MTMR14: variants seen among roughly 807,000 people sequenced by gnomAD.
MTMR14 encodes phosphatidylinositol-3,5-bisphosphate 3-phosphatase MTMR14.
A neutral mutation model predicts 86.3 loss-of-function variants in MTMR14; 48 were observed. That is an observed-to-expected ratio of 0.56 (90% CI 0.44 to 0.71). The LOEUF (loss-of-function observed/expected upper bound fraction) is 0.71. Ranked by LOEUF, MTMR14 falls within the 30% of genes least tolerant of loss-of-function variation. The pLI, the probability that MTMR14 is intolerant of heterozygous loss-of-function variation, is 0.00. For synonymous variants in MTMR14, 366 were observed against 326.1 expected (o/e 1.12, Z -1.32); for missense variants, 780 against 834.6 (o/e 0.93, Z 0.81).
At chr3:9,682,736 C>T (rs2075808521) in intron 9 of MTMR14, among the ~76,000 whole-genome samples, 1 of 152,208 alleles carries the variant, frequency 6.6e-6, no homozygotes, top group African/African-American at 2.4e-5. Context: ...GATGTGATGG[C>T]ATATGAAGGA....
chr3:9,690,009 G>A lies in MTMR14; in HGVS notation c.1479G>A (p.Arg493=), dbSNP rs1156443659. The stretch of plus-strand genomic sequence containing the variant: ...CTCCACAGAGTGTCCTCTGGAACCG[G>A]CCACAACCCTCAGAGGACCGCTTGC... The part of the protein sequence containing the change: ...SSSPQSVLWN[R]PQPSEDRLPS... The change falls in exon 17 of 19, where the codon CGG becomes CGA. Residue 493 remains arginine, a synonymous_variant. Coordinates refer to ENST00000296003, the MANE Select transcript of MTMR14 (RefSeq NM_001077525.3). 17 of 1,611,858 alleles carry A rather than the reference G, an allele frequency of 1.1e-5. No individual in the cohort carries two copies. In the East Asian group the frequency reaches 3.8e-4, roughly 36 times the overall value.
intron 13 of MTMR14, 150 bp downstream of exon 13, chr3:9,685,397 G>A (rs1473637535): frequency 4.3e-6 from 4 of 938,468 alleles, no homozygotes; most frequent in South Asian, 1.3e-5. Flanking sequence ...AGGCAGCGTG[G>A]CAGGACAGGC....
chr3:9,672,628 G>GGTGTGTGT (rs1314197918), intron 6 of MTMR14, 57 bp from the exon 7 acceptor site: 1 of 1,391,898 alleles, frequency 7.2e-7, no homozygotes, highest in Non-Finnish European at 1.0e-6. Context: ...TTTGGGGAAT[G>GGTGTGTGT]GTGTGTGTTT....
At chr3:9,669,343 G>A in intron 4 of MTMR14, 89 bp from the exon 5 acceptor site, 1 of 1,350,172 alleles carries the variant, frequency 7.4e-7, no homozygotes. Flanking sequence ...CCCACCCTTG[G>A]CACTATGGGG....
intron 13 of MTMR14, among the ~76,000 whole-genome samples, chr3:9,687,056 C>T (rs1377230728): frequency 2.0e-5 from 3 of 152,202 alleles, no homozygotes; most frequent in African/African-American, 7.2e-5. Flanking sequence ...TGGGATGCCT[C>T]CCCTAAAAAA....
chr3:9,671,270 C>T (rs1233158373), intron 6 of MTMR14, 100 bp downstream of exon 6: 1 of 1,527,518 alleles, frequency 6.5e-7, no homozygotes, highest in East Asian at 2.3e-5. Context: ...GGCCTTCTTA[C>T]AAAGGGCTTT....
At chr3:9,672,600 TTG>T in intron 6 of MTMR14, 83 bp from the exon 7 acceptor site, 2 of 1,195,150 alleles carry the variant, frequency 1.7e-6, no homozygotes, top group Non-Finnish European at 1.3e-6. Flanking sequence ...GAAGCTTCAT[TTG>T]TGATTATAAC....
rs1191985093 is a variant in MTMR14, at chr3:9,653,685, C to T, written c.224C>T (p.Pro75Leu). ...CGAGACTACTGTTTCAGCGTGATTCCAAACACGAATGGGGATATCTGTGGC... is the reference window on the plus strand; with the variant it reads ...CGAGACTACTGTTTCAGCGTGATTCTAAACACGAATGGGGATATCTGTGGC... ...FGRDYCFSVI[P>L]NTNGDICGHY... Residue 75 changes from proline to leucine, a missense_variant, in exon 2 of 19, where the codon CCA (proline) becomes CTA (leucine). By Grantham distance (98) the Pro-to-Leu change is moderately conservative. Transcript: ENST00000296003. 2 of 1,614,120 alleles carry T rather than the reference C, an allele frequency of 1.2e-6. No individual in the cohort carries two copies. The highest frequency in any genetic ancestry group is 1.7e-6 in the Non-Finnish European group (2 of 1,180,040).
chr3:9,686,254 T>C (rs2075949386), intron 13 of MTMR14, among the ~76,000 whole-genome samples: 1 of 152,196 alleles, frequency 6.6e-6, no homozygotes, highest in African/African-American at 2.4e-5. Context: ...GTGACTTTGG[T>C]ATTGAAATCA....
intron 10 of MTMR14, among the ~76,000 whole-genome samples, chr3:9,683,931 C>A (rs1185074362): frequency 6.6e-6 from 1 of 152,214 alleles, no homozygotes; most frequent in African/African-American, 2.4e-5. Context: ...CTACCTCAGT[C>A]TCTGGAGTTC....
Position 9,677,194 on chromosome 3 carries a change from T to A in MTMR14, c.752-123T>A, listed in dbSNP as rs1170102875. On this transcript the variant is annotated intron_variant, in intron 7 of 18. Coordinates refer to ENST00000296003, the MANE Select transcript of MTMR14 (RefSeq NM_001077525.3). The surrounding 1 kb of genome is among the most constrained non-coding windows in gnomAD (Gnocchi z 4.2). ...CCTTGGCCTCACTGAAGCCACTAGC[T>A]TGGAGAAGTGTGAGTTGGCGGCCCC... 2.1e-5 allele frequency: 17 copies of A among 828,526 alleles called. No individual in the cohort carries two copies. The East Asian group carries it at 4.0e-4, about 19-fold the overall frequency. 51.3% of individuals were successfully genotyped at this position (828,526 alleles called of 1,614,324 possible).
chr3:9,653,656 T>G lies in MTMR14; in HGVS notation c.195T>G (p.Phe65Leu), dbSNP rs774560050. 2 of 1,614,180 alleles carry G rather than the reference T, an allele frequency of 1.2e-6. No individual in the cohort carries two copies. The highest frequency in any genetic ancestry group is 1.7e-6 in the Non-Finnish European group (2 of 1,180,032). The change falls in exon 2 of 19, where the codon TTT becomes TTG. Residue 65 changes from phenylalanine to leucine, a missense_variant. Physicochemically the swap from Phe to Leu is conservative, Grantham distance 22. Transcript: ENST00000296003. ...ERIEKRCLEL[F>L]GRDYCFSVIP... Reference sequence around the variant, plus strand: ...TTGAGAAGAGATGTCTGGAGCTGTTTGGCCGAGACTACTGTTTCAGCGTGA... The same window carrying G: ...TTGAGAAGAGATGTCTGGAGCTGTTGGGCCGAGACTACTGTTTCAGCGTGA...
chr3:9,649,890 A>G, intron 1 of MTMR14, 148 bp downstream of exon 1: 2 of 1,519,268 alleles, frequency 1.3e-6, no homozygotes, highest in Non-Finnish European at 1.8e-6. Context: ...CAGGGTCTGT[A>G]TCCGGAGTAT....
chr3:9,658,806 A>G (rs2047757713), intron 2 of MTMR14, among the ~76,000 whole-genome samples: 1 of 152,252 alleles, frequency 6.6e-6, no homozygotes, highest in African/African-American at 2.4e-5. Flanking sequence ...GGTACATTAT[A>G]GGAACAAGCC....
chr3:9,688,859 C>A (rs1235981305), intron 15 of MTMR14, 85 bp from the exon 16 acceptor site: 18 of 1,429,776 alleles, frequency 1.3e-5, no homozygotes, highest in Non-Finnish European at 1.6e-5. Flanking sequence ...TTTTTTTTTT[C>A]TTCCCAGTTA....
intron 17 of MTMR14, among the ~76,000 whole-genome samples, chr3:9,692,355 C>T (rs1445841485): frequency 6.6e-6 from 1 of 152,212 alleles, no homozygotes; most frequent in Non-Finnish European, 1.5e-5. Context: ...CTGTGGGGTG[C>T]CAATTCTTAC....
intron 3 of MTMR14, among the ~76,000 whole-genome samples, chr3:9,665,730 ATT>A (rs759820447): frequency 2.2e-4 from 31 of 139,456 alleles, no homozygotes; most frequent in South Asian, 2.3e-4. Flanking sequence ...TTTCATTTTA[ATT>A]TTTTTTTTTT....
Position 9,701,456 on chromosome 3 carries a change from A to T in MTMR14, c.1770-334A>T. On this transcript the variant is annotated intron_variant, in intron 18 of 18. Coordinates refer to ENST00000296003, the MANE Select transcript of MTMR14 (RefSeq NM_001077525.3). This position sits in a 1 kb window ranked among gnomAD's most constrained non-coding sequence, Gnocchi z 4.2. ...GGGGCTGAGGTGGGAGGATGGCTTG[A>T]GGCTACAGTGAGCGCTGATTGTGTC... 9.2e-6 allele frequency: 3 copies of T among 324,394 alleles called. No individual in the cohort carries two copies. The highest frequency in any genetic ancestry group is 3.2e-5 in the African/African-American group (1 of 31,444). The allele number at this position is 324,394 out of a possible 1,614,324, so 20.1% of individuals were successfully genotyped here. A position where few individuals can be genotyped will look rare whatever the true frequency, so the allele number is the denominator to read the frequency against.
chr3:9,660,130 T>G (rs2047839918), intron 2 of MTMR14, among the ~76,000 whole-genome samples: 1 of 152,152 alleles, frequency 6.6e-6, no homozygotes, highest in South Asian at 2.1e-4. Flanking sequence ...AGTTAGGCAA[T>G]TAATTGGTAC....
Sources: allele counts gnomAD v4.1 joint callset (sites outside exome capture counted in the v4.1 genomes callset), GRCh38; gene constraint gnomAD v4.1.1; non-coding constraint Gnocchi (gnomAD v3.1); transcripts MANE v1.5; gene names NCBI Gene and HGNC (gene_info 2026-07-23, HGNC 2026-07-21).